SPNS3: variants seen among roughly 807,000 people sequenced by gnomAD.
SPNS3 encodes SPNS lysolipid transporter 3, sphingosine-1-phosphate (putative).
Under a neutral mutation model 54.4 loss-of-function variants are expected in SPNS3, and 51 were observed. The ratio of observed to expected loss-of-function variants is 0.94; its 90% CI spans 0.75 to 1.18. The LOEUF (loss-of-function observed/expected upper bound fraction) is 1.18, where lower values mean the gene tolerates loss of function less well. SPNS3 is among the 50% of genes most tolerant of loss of function. The pLI is 0.00. For missense variants in SPNS3, 669 were observed against 677.4 expected (o/e 0.99, Z 0.14); for synonymous variants, 309 against 294.7 (o/e 1.05, Z -0.50).
intron 1 of SPNS3, among the ~76,000 whole-genome samples, chr17:4,437,603 G>A (rs1354700679): frequency 2.0e-5 from 3 of 151,810 alleles, no homozygotes; most frequent in African/African-American, 7.3e-5. Context: ...GGAGGCAGAG[G>A]TTGCAGTGAG....
chr17:4,474,105 G>T (rs1402051801), intron 8 of SPNS3, among the ~76,000 whole-genome samples: 1 of 152,244 alleles, frequency 6.6e-6, no homozygotes, highest in Non-Finnish European at 1.5e-5. Context: ...GTGTCTGTTG[G>T]CTGGCAGCAC....
rs151014427 is a variant in SPNS3 at position 4,479,149 on chromosome 17, C to T, written c.1179+512C>T. Among the ~76,000 whole-genome samples, 1,196 of 152,328 alleles carry T rather than the reference C, an allele frequency of 7.9e-3. 13 individuals carry two copies. The highest frequency in any genetic ancestry group is 0.027 in the African/African-American group (1,123 of 41,578). Reference sequence around the variant, plus strand: ...TAGAGACAGGGTTTCACCATATTGGCGAGGCTGGTCTTGAACCCTGACCTC... The same window carrying T: ...TAGAGACAGGGTTTCACCATATTGGTGAGGCTGGTCTTGAACCCTGACCTC... On this transcript the variant is annotated intron_variant, in intron 9 of 11. Coordinates refer to ENST00000355530, the MANE Select transcript of SPNS3 (RefSeq NM_182538.5).
At position 4,472,513 on chromosome 17, in the gene SPNS3, A is replaced by C. The variant is rs184406166; in HGVS notation, c.1114-6059A>C. On this transcript the variant is annotated intron_variant, in intron 8 of 11. Transcript: ENST00000355530. ...AGGTAAATGCTCTACAACATGGTTC[A>C]TTCTACTTAATTACTGGATGCATTC... Among the ~76,000 whole-genome samples, 8 of 152,300 alleles carry C rather than the reference A, an allele frequency of 5.3e-5. No homozygotes were observed. The East Asian group carries it at 1.4e-3, about 26-fold the overall frequency.
In SPNS3 at chr17:4,472,765, C is replaced by T. The variant is rs867067537; in HGVS notation, c.1114-5807C>T. Among the ~76,000 whole-genome samples the T allele has an allele frequency of 4.3e-3, 498 of 114,816 alleles. 4 individuals are homozygous for T. Among genetic ancestry groups the T allele is most frequent in the African/African-American group, 0.015 (477 of 31,538 alleles). 75.3% of individuals were successfully genotyped at this position (114,816 alleles called of 152,430 possible). ...TTCTACAGAATTGTCTGCTCTTTTG[C>T]TTGGCAGCCTTTTTTTTTTTTTTTT... On this transcript the variant is annotated intron_variant, in intron 8 of 11. Coordinates refer to ENST00000355530, the MANE Select transcript of SPNS3 (RefSeq NM_182538.5).
At chr17:4,471,765 C>A (rs1046677373) in intron 8 of SPNS3, among the ~76,000 whole-genome samples, 1 of 152,082 alleles carries the variant, frequency 6.6e-6, no homozygotes, top group Non-Finnish European at 1.5e-5. Context: ...TGTGCCCGGT[C>A]TGAATTAATA....
intron 8 of SPNS3, among the ~76,000 whole-genome samples, chr17:4,473,320 A>G (rs1423617387): frequency 3.3e-5 from 5 of 150,946 alleles, no homozygotes; most frequent in Admixed American, 6.6e-5. Context: ...TGTGGCCACC[A>G]CTGCACAGAG....
At chr17:4,487,194 G>C (rs1163615998) in intron 11 of SPNS3, among the ~76,000 whole-genome samples, 1 of 148,834 alleles carries the variant, frequency 6.7e-6, no homozygotes, top group Non-Finnish European at 1.5e-5. Flanking sequence ...AAAAAAAAGG[G>C]ACAGGTAGGT....
intron 8 of SPNS3, among the ~76,000 whole-genome samples, chr17:4,472,021 C>T (rs1317326900): frequency 1.3e-5 from 2 of 151,752 alleles, no homozygotes; most frequent in Admixed American, 6.6e-5. Context: ...ACGACGCCAG[C>T]CAATTTTTGT....
intron 2 of SPNS3, among the ~76,000 whole-genome samples, chr17:4,443,308 T>C (rs1337407749): frequency 6.6e-6 from 1 of 152,300 alleles, no homozygotes; most frequent in East Asian, 1.9e-4. Flanking sequence ...TGACCTCGGG[T>C]GATCCACCGG....
At chr17:4,449,467 A>C in intron 7 of SPNS3, 80 bp downstream of exon 7, 2 of 1,453,400 alleles carry the variant, frequency 1.4e-6, no homozygotes, top group Non-Finnish European at 1.8e-6. Flanking sequence ...CTGAGCTCCA[A>C]AATTCAGTTT....
chr17:4,445,900 G>A, intron 3 of SPNS3, 148 bp from the exon 4 acceptor site: 1 of 856,554 alleles, frequency 1.2e-6, no homozygotes, highest in Non-Finnish European at 1.7e-6. Flanking sequence ...GGAACCTGGA[G>A]TGGAGAGGTG....
At chr17:4,444,015 G>A (rs1970918151) in intron 2 of SPNS3, among the ~76,000 whole-genome samples, 1 of 152,160 alleles carries the variant, frequency 6.6e-6, no homozygotes, top group African/African-American at 2.4e-5. Context: ...ATGGGAGGAT[G>A]GCTTGAGGCC....
chr17:4,475,458 C>T lies in SPNS3; in HGVS notation c.1114-3114C>T, dbSNP rs999706412. ...ATTCGAGGAACGTGCGGATGCAAAA[C>T]GGACAGAAATCAGTGATGAGGGGAG... On this transcript the variant is annotated intron_variant, in intron 8 of 11. Coordinates refer to ENST00000355530, the MANE Select transcript of SPNS3 (RefSeq NM_182538.5). Among the ~76,000 whole-genome samples, 18 of 152,296 alleles carry T rather than the reference C, an allele frequency of 1.2e-4. No homozygotes were observed. In the South Asian group the frequency reaches 2.1e-3, roughly 18 times the overall value.
chr17:4,487,288 G>A (rs572551587), intron 11 of SPNS3, among the ~76,000 whole-genome samples: 11 of 152,234 alleles, frequency 7.2e-5, no homozygotes, highest in African/African-American at 2.6e-4. Flanking sequence ...TCAGCGACCT[G>A]GGGAAAGACG....
Position 4,434,066 on chromosome 17 carries a change from G to C in SPNS3, c.99G>C (p.Thr33=), listed in dbSNP as rs758639290. 4.3e-6 allele frequency: 7 copies of C among 1,610,956 alleles called. No homozygotes were observed. The Admixed American group carries it at 5.0e-5, about 12-fold the overall frequency. ...GPGRQCPPPI[T]PTSWSLPPWR... ...GCAGGCAGTGTCCCCCTCCCATCAC[G>C]CCCACCTCCTGGAGCCTGCCCCCGT... The change falls in exon 1 of 12, where the codon ACG becomes ACC. Residue 33 remains threonine (T), a synonymous_variant. Transcript: ENST00000355530.
intron 8 of SPNS3, among the ~76,000 whole-genome samples, chr17:4,475,408 G>A (rs1468335641): frequency 6.6e-6 from 1 of 152,232 alleles, no homozygotes; most frequent in Non-Finnish European, 1.5e-5. Context: ...ACTGGCCAGC[G>A]GCCATGGGCA....
chr17:4,486,037 G>A lies in SPNS3; in HGVS notation c.1180-191G>A, dbSNP rs1597348685. On this transcript the variant is annotated intron_variant, in intron 9 of 11. Coordinates refer to ENST00000355530, the MANE Select transcript of SPNS3 (RefSeq NM_182538.5). The surrounding 1 kb of genome is among the most constrained non-coding windows in gnomAD (Gnocchi z 5.5). ...TGGCACCCCCATCCTGGGGCACTGG[G>A]GAAGCTTCAGATGGGCTTGATGTCT... The A allele has an allele frequency of 4.1e-6, 2 of 491,242 alleles. No homozygotes were observed. The highest frequency in any genetic ancestry group is 6.8e-5 in the East Asian group (2 of 29,216). 30.4% of individuals were successfully genotyped at this position (491,242 alleles called of 1,614,324 possible).
At chr17:4,463,121 G>T (rs181000525) in intron 8 of SPNS3, among the ~76,000 whole-genome samples, 1 of 151,952 alleles carries the variant, frequency 6.6e-6, no homozygotes, top group Non-Finnish European at 1.5e-5. Context: ...TATACTGGCC[G>T]GGTGCAGTGG....
At chr17:4,435,221 G>A (rs545342329) in intron 1 of SPNS3, among the ~76,000 whole-genome samples, 6 of 152,116 alleles carry the variant, frequency 3.9e-5, no homozygotes, top group African/African-American at 1.4e-4. Context: ...TGAGGACTTT[G>A]TGACCAGCCT....
Sources: allele counts gnomAD v4.1 joint callset (sites outside exome capture counted in the v4.1 genomes callset), GRCh38; gene constraint gnomAD v4.1.1; non-coding constraint Gnocchi (gnomAD v3.1); transcripts MANE v1.5; gene names NCBI Gene and HGNC (gene_info 2026-07-23, HGNC 2026-07-21).